KLHL1: variants seen among roughly 807,000 people sequenced by gnomAD.
KLHL1 encodes the protein kelch like family member 1, also known as kelch-like protein 1.
In KLHL1, 47 loss-of-function variants were observed where a neutral mutation model predicts 77.7. The ratio of observed to expected loss-of-function variants is 0.60; its 90% CI spans 0.48 to 0.77. The LOEUF (loss-of-function observed/expected upper bound fraction) is 0.77. KLHL1 is among the 30% of genes least tolerant of loss of function. The pLI, the probability that KLHL1 is intolerant of heterozygous loss-of-function variation, is 0.00. For missense variants in KLHL1, 925 were observed against 910.8 expected (o/e 1.02, Z -0.20); for synonymous variants, 360 against 325.2 (o/e 1.11, Z -1.15).
chr13:69,979,671 A>G (rs1316973563), intron 1 of KLHL1, among the ~76,000 whole-genome samples: 1 of 152,184 alleles, frequency 6.6e-6, no homozygotes, highest in East Asian at 1.9e-4. Context: ...CCCTTATACA[A>G]TGATCTGAAA....
chr13:70,097,073 C>T (rs1456837674), intron 1 of KLHL1, among the ~76,000 whole-genome samples: 1 of 152,008 alleles, frequency 6.6e-6, no homozygotes, highest in Non-Finnish European at 1.5e-5. Flanking sequence ...TTTAAAGGCA[C>T]ATCCAACATC....
chr13:69,792,747 T>C (rs1227245208), intron 7 of KLHL1, among the ~76,000 whole-genome samples: 1 of 152,136 alleles, frequency 6.6e-6, no homozygotes, highest in Non-Finnish European at 1.5e-5. Flanking sequence ...AAATTGACTT[T>C]AAAACATTGT....
chr13:70,049,718 T>C (rs985788266), intron 1 of KLHL1, among the ~76,000 whole-genome samples: 1 of 152,146 alleles, frequency 6.6e-6, no homozygotes, highest in Non-Finnish European at 1.5e-5. Flanking sequence ...GGCATTTTGG[T>C]GGCTATTTTT....
At chr13:69,922,361 C>A (rs112508877) in intron 4 of KLHL1, among the ~76,000 whole-genome samples, 1 of 151,932 alleles carries the variant, frequency 6.6e-6, no homozygotes, top group African/African-American at 2.4e-5. Flanking sequence ...TGGTGAAGTA[C>A]GAAATGGTGG....
At chr13:69,730,511 T>C (rs12021017) in intron 8 of KLHL1, among the ~76,000 whole-genome samples, 2 of 151,970 alleles carry the variant, frequency 1.3e-5, no homozygotes, top group African/African-American at 4.8e-5. Context: ...AGGCAAAAAG[T>C]ATTATGCTTT....
At chr13:69,760,377 C>T (rs528718443) in intron 7 of KLHL1, among the ~76,000 whole-genome samples, 35 of 142,694 alleles carry the variant, frequency 2.5e-4, no homozygotes, top group South Asian at 2.1e-3. Context: ...TATTTTGAGA[C>T]GGAATTTCAC....
intron 4 of KLHL1, among the ~76,000 whole-genome samples, chr13:69,930,134 A>G (rs1882952842): frequency 6.6e-6 from 1 of 151,944 alleles, no homozygotes; most frequent in Non-Finnish European, 1.5e-5. Flanking sequence ...CCTGTTGTTT[A>G]GCTTATGTTT....
chr13:69,813,703 A>G (rs1186811652), intron 6 of KLHL1, among the ~76,000 whole-genome samples: 3 of 152,162 alleles, frequency 2.0e-5, no homozygotes, highest in Admixed American at 2.0e-4. Context: ...AGGAGATGAA[A>G]GATATCTACA....
intron 1 of KLHL1, among the ~76,000 whole-genome samples, chr13:70,059,243 C>T (rs565677793): frequency 6.6e-6 from 1 of 151,624 alleles, no homozygotes; most frequent in Non-Finnish European, 1.5e-5. Context: ...ACTGCAACCT[C>T]TGCCTACTGG....
chr13:70,084,821 C>A (rs1182564524), intron 1 of KLHL1, among the ~76,000 whole-genome samples: 1 of 151,490 alleles, frequency 6.6e-6, no homozygotes, highest in African/African-American at 2.4e-5. Flanking sequence ...GATTAAAATT[C>A]TAAAGAATAT....
chr13:69,845,238 A>C (rs1648195686), intron 5 of KLHL1, among the ~76,000 whole-genome samples: 1 of 137,330 alleles, frequency 7.3e-6, no homozygotes, highest in Non-Finnish European at 1.6e-5. Flanking sequence ...GTGTTCTTTC[A>C]TAGTGGAATA....
chr13:70,000,691 A>G (rs1885266266), intron 1 of KLHL1, among the ~76,000 whole-genome samples: 1 of 151,874 alleles, frequency 6.6e-6, no homozygotes, highest in Non-Finnish European at 1.5e-5. Flanking sequence ...AATTTAAATA[A>G]TTACTGAACC....
At chr13:70,016,408 C>A (rs1406351970) in intron 1 of KLHL1, among the ~76,000 whole-genome samples, 1 of 152,222 alleles carries the variant, frequency 6.6e-6, no homozygotes, top group African/African-American at 2.4e-5. Flanking sequence ...CTCTTGGGGG[C>A]CCAGGAAGAC....
chr13:69,951,409 C>T (rs562180848), intron 3 of KLHL1, among the ~76,000 whole-genome samples: 4 of 151,506 alleles, frequency 2.6e-5, no homozygotes, highest in African/African-American at 9.7e-5. Flanking sequence ...GCCAGATTTT[C>T]GCAAGTTAGT....
At chr13:69,858,408 G>C (rs777280974) in intron 5 of KLHL1, among the ~76,000 whole-genome samples, 1 of 151,978 alleles carries the variant, frequency 6.6e-6, no homozygotes, top group Admixed American at 6.6e-5. Context: ...TGTATAAATC[G>C]TTCTGCCATT....
chr13:69,867,967 C>G (rs995730466), intron 5 of KLHL1, among the ~76,000 whole-genome samples: 1 of 151,774 alleles, frequency 6.6e-6, no homozygotes, highest in Non-Finnish European at 1.5e-5. Context: ...CTAACCTGCA[C>G]GTTGTGCACA....
intron 1 of KLHL1, among the ~76,000 whole-genome samples, chr13:69,982,322 G>A (rs540260344): frequency 2.0e-5 from 3 of 151,538 alleles, no homozygotes; most frequent in African/African-American, 7.3e-5. Flanking sequence ...TGTAGTCCCA[G>A]CTGATTGGGA....
In KLHL1 at chr13:69,873,548, T is replaced by G. The variant is rs182793364; in HGVS notation, c.1227+8735A>C. Among the ~76,000 whole-genome samples the G allele has an allele frequency of 1.6e-4, 24 of 152,300 alleles. 1 individual carries two copies. The highest frequency in any genetic ancestry group is 1.6e-3 in the Admixed American group (24 of 15,284). On this transcript the variant is annotated intron_variant, in intron 5 of 10. Transcript: ENST00000377844. ...GAATCAATATGCTCTAATAACTCTT[T>G]ACAGCAGGGTTCTTAGCACCCACTG...
chr13:70,102,398 G>GTTTTCTAACT (rs1887942656), intron 1 of KLHL1, among the ~76,000 whole-genome samples: 1 of 152,150 alleles, frequency 6.6e-6, no homozygotes, highest in Non-Finnish European at 1.5e-5. Flanking sequence ...ATAATAAGGT[G>GTTTTCTAACT]TTTTCTAACT....
Sources: allele counts gnomAD v4.1 joint callset (sites outside exome capture counted in the v4.1 genomes callset), GRCh38; gene constraint gnomAD v4.1.1; transcripts MANE v1.5; gene names NCBI Gene and HGNC (gene_info 2026-07-23, HGNC 2026-07-21).